The following INO80 variants were observed in gnomAD, a reference collection of about 807,000 sequenced individuals.
INO80 encodes the protein chromatin-remodeling ATPase INO80.
In INO80, 20 loss-of-function variants were observed where a neutral mutation model predicts 203.4. The observed-to-expected ratio is 0.10, with a 90% CI of 0.07 to 0.14. The LOEUF (loss-of-function observed/expected upper bound fraction) is 0.14, where lower values mean the gene tolerates loss of function less well. INO80 is among the 10% of genes least tolerant of loss of function. INO80 has a pLI of 1.00. For synonymous variants in INO80, 726 were observed against 685.2 expected (o/e 1.06, Z -0.93); for missense variants, 1,419 against 1,914.4 (o/e 0.74, Z 4.83).
At chr15:41,082,964 TTTCCCA>T (rs1057425993) in intron 7 of INO80, among the ~76,000 whole-genome samples, 3 of 151,820 alleles carry the variant, frequency 2.0e-5, no homozygotes, top group African/African-American at 7.3e-5. Context: ...CATGGGAAAG[TTTCCCA>T]TAACTTTCCC....
chr15:40,993,209 A>G (rs754311052), intron 29 of INO80, among the ~76,000 whole-genome samples: 2 of 150,722 alleles, frequency 1.3e-5, no homozygotes, highest in Non-Finnish European at 2.9e-5. Flanking sequence ...GACGCTCTTT[A>G]CTCCTACAGG....
rs543795823 is a variant in INO80, at chr15:41,102,439, G to A, written c.-43-6086C>T. Among the ~76,000 whole-genome samples, 6 of 152,174 alleles carry A rather than the reference G, an allele frequency of 3.9e-5. No individual in the cohort carries two copies. The South Asian group carries it at 1.0e-3, about 26-fold the overall frequency. Reference sequence around the variant, plus strand: ...TCCTAGCACTTTGGGAGGCCGAGGCGGGCAATCACCTGAGATCAGGAGTTC... The same window carrying A: ...TCCTAGCACTTTGGGAGGCCGAGGCAGGCAATCACCTGAGATCAGGAGTTC... On this transcript the variant is annotated intron_variant, in intron 1 of 35. Coordinates refer to ENST00000648947, the MANE Select transcript of INO80 (RefSeq NM_017553.3).
chr15:40,998,899 C>A (rs2043918104), intron 28 of INO80, among the ~76,000 whole-genome samples: 1 of 151,788 alleles, frequency 6.6e-6, no homozygotes, highest in African/African-American at 2.4e-5. Flanking sequence ...AGGTGATGCA[C>A]GTGCCTCAGC....
chr15:41,053,492 G>A (rs908249845), intron 19 of INO80, among the ~76,000 whole-genome samples: 1 of 152,172 alleles, frequency 6.6e-6, no homozygotes. Flanking sequence ...TGCTATCATG[G>A]AACTGGTCTT....
At chr15:40,991,813 G>A (rs565207513) in intron 29 of INO80, among the ~76,000 whole-genome samples, 22 of 151,528 alleles carry the variant, frequency 1.5e-4, no homozygotes, top group East Asian at 7.8e-4. Flanking sequence ...TTGCTCTGTC[G>A]CCCAGGCTGG....
In INO80 at chr15:40,982,869, C is replaced by T; in HGVS notation, c.4446G>A (p.Val1482=). Residue 1482 remains valine, a synonymous_variant, in exon 35 of 36, where the codon GTG becomes GTA. Coordinates refer to ENST00000648947, the MANE Select transcript of INO80 (RefSeq NM_017553.3). ...AAAYAAYGYN[V]SKGISASSPL... ...CACCCTGGGCTTCTGTACCTTTAGA[C>T]ACGTTGTACCCGTATGCGGCATAGG... 6.2e-7 allele frequency: 1 copy of T among 1,612,362 alleles called. No individual in the cohort carries two copies. Among genetic ancestry groups the T allele is most frequent in the East Asian group, 2.2e-5 (1 of 44,870 alleles).
At chr15:40,987,767 ACTTT>A (rs2043760422) in intron 30 of INO80, 45 bp downstream of exon 30, 3 of 1,556,806 alleles carry the variant, frequency 1.9e-6, no homozygotes, top group Non-Finnish European at 2.6e-6. Context: ...ATGTGGTTGG[ACTTT>A]CTGTTTGCTC....
At chr15:41,067,919 ATTCT>A (rs1189292785) in intron 14 of INO80, among the ~76,000 whole-genome samples, 1 of 152,210 alleles carries the variant, frequency 6.6e-6, no homozygotes, top group African/African-American at 2.4e-5. Context: ...AATCCTATTC[ATTCT>A]TTCTTAAATT....
chr15:41,070,520 T>C lies in INO80; in HGVS notation c.1633A>G (p.Met545Val). Residue 545 changes from methionine (M) to valine (V), a missense_variant, in exon 13 of 36, where the codon ATG becomes GTG. By Grantham distance (21) the Met-to-Val change is conservative (BLOSUM62 1). This residue lies in a region of INO80 where 192 missense variants were observed against 406.7 expected (regional missense o/e 0.47). Coordinates refer to ENST00000648947, the MANE Select transcript of INO80 (RefSeq NM_017553.3). Reference protein sequence around the residue: ...QGINGILADEMGLGKTVQSIA... With the variant: ...QGINGILADEVGLGKTVQSIA... Reference sequence around the variant, plus strand: ...CTCTGTACTGTTTTACCAAGGCCCATTTCATCAGCAAGAATGCCATTAATA... The same window carrying C: ...CTCTGTACTGTTTTACCAAGGCCCACTTCATCAGCAAGAATGCCATTAATA... 6.2e-7 allele frequency: 1 copy of C among 1,614,074 alleles called. No homozygotes were observed. The highest frequency in any genetic ancestry group is 8.5e-7 in the Non-Finnish European group (1 of 1,179,946).
intron 14 of INO80, among the ~76,000 whole-genome samples, chr15:41,061,767 A>G (rs540240131): frequency 2.6e-4 from 40 of 152,344 alleles, no homozygotes; most frequent in African/African-American, 9.6e-4. Context: ...TTAGAACTGA[A>G]AAATATAGTA....
chr15:41,063,985 A>C (rs2045164173), intron 14 of INO80, among the ~76,000 whole-genome samples: 1 of 152,222 alleles, frequency 6.6e-6, no homozygotes, highest in South Asian at 2.1e-4. Context: ...AAGAGTATAA[A>C]TCTTACAGCC....
At chr15:41,038,422 A>G (rs2044615892) in intron 24 of INO80, among the ~76,000 whole-genome samples, 1 of 152,134 alleles carries the variant, frequency 6.6e-6, no homozygotes, top group African/African-American at 2.4e-5. Flanking sequence ...TCACACTTCA[A>G]TACTCATTCT....
intron 25 of INO80, among the ~76,000 whole-genome samples, chr15:41,023,816 A>C (rs2412592): frequency 6.6e-6 from 1 of 150,412 alleles, no homozygotes; most frequent in African/African-American, 2.4e-5. Context: ...ACAAAAAAAA[A>C]CAACAAAAAA....
At chr15:40,997,756 T>C (rs1294103830) in intron 28 of INO80, 155 bp from the exon 29 acceptor site, 2 of 556,504 alleles carry the variant, frequency 3.6e-6, no homozygotes, top group Non-Finnish European at 6.6e-6. Context: ...TAAAGCATTA[T>C]ACAATGTTGC....
At chr15:41,060,737 G>A (rs921733140) in intron 14 of INO80, among the ~76,000 whole-genome samples, 13 of 152,002 alleles carry the variant, frequency 8.6e-5, no homozygotes, top group Admixed American at 1.3e-4. Context: ...CCGACTCCCC[G>A]CCTCAAGACA....
intron 29 of INO80, among the ~76,000 whole-genome samples, chr15:40,989,404 G>A (rs1458430117): frequency 6.6e-6 from 1 of 152,204 alleles, no homozygotes; most frequent in East Asian, 1.9e-4. Context: ...CAACCCTTGA[G>A]GCTACCATCC....
intron 1 of INO80, among the ~76,000 whole-genome samples, chr15:41,099,064 G>GC (rs2045766194): frequency 1.3e-5 from 2 of 151,588 alleles, no homozygotes; most frequent in South Asian, 4.2e-4. Flanking sequence ...GGGCAACATA[G>GC]CAGGACCGTG....
At chr15:41,070,313 A>C (rs1364431019) in intron 13 of INO80, among the ~76,000 whole-genome samples, 154 bp downstream of exon 13, 8 of 152,218 alleles carry the variant, frequency 5.3e-5, no homozygotes, top group Non-Finnish European at 1.0e-4. Flanking sequence ...AAAGTTATAA[A>C]ACACTGTCCC....
Position 41,056,668 on chromosome 15 carries a change from T to C in INO80, c.2024A>G (p.Asn675Ser). 1 of 1,614,208 alleles carries C rather than the reference T, an allele frequency of 6.2e-7. No individual in the cohort carries two copies. Among genetic ancestry groups the C allele is most frequent in the Non-Finnish European group, 8.5e-7 (1 of 1,180,004 alleles). ...WKILLQFQCR[N>S]RLLLTGTPIQ... Reference sequence around the variant, plus strand: ...TGGGGTCCCGGTTAGCAAAAGCCGATTCCGACACTGGAACTGTAAGAGGAT... The same window carrying C: ...TGGGGTCCCGGTTAGCAAAAGCCGACTCCGACACTGGAACTGTAAGAGGAT... Residue 675 changes from asparagine to serine, a missense_variant, in exon 17 of 36, where the codon AAT (asparagine) becomes AGT (serine). Around this residue, in one of 9 missense-constraint regions of INO80, gnomAD observed 192 missense variants for 406.7 expected, o/e 0.47. Coordinates refer to ENST00000648947, the MANE Select transcript of INO80 (RefSeq NM_017553.3).
Sources: gnomAD v4.1 joint callset for allele counts (sites outside exome capture counted in the v4.1 genomes callset) on GRCh38, gnomAD v4.1.1 for gene constraint, gnomAD v4.1.1 regional missense constraint, MANE v1.5 for transcripts, NCBI Gene and HGNC (gene_info 2026-07-23, HGNC 2026-07-21) for gene names.